Variants in PSMC2 observed in about 807,000 individuals in gnomAD.
The protein encoded by PSMC2 is 26S proteasome regulatory subunit 7.
A neutral mutation model predicts 53.3 loss-of-function variants in PSMC2; 7 were observed. That is an observed-to-expected ratio of 0.13 (90% CI 0.07 to 0.25). PSMC2 has a LOEUF of 0.25. PSMC2 is among the 10% of genes least tolerant of loss of function. The pLI, the probability that PSMC2 is intolerant of heterozygous loss-of-function variation, is 1.00. For synonymous variants in PSMC2, 169 were observed against 183.9 expected (o/e 0.92, Z 0.66); for missense variants, 241 against 544.0 (o/e 0.44, Z 5.54).
intron 1 of PSMC2, 91 bp downstream of exon 1, chr7:103,347,872 C>A: frequency 7.1e-7 from 1 of 1,414,986 alleles, no homozygotes; most frequent in Non-Finnish European, 1.0e-6. Context: ...CCGCTCCTGG[C>A]TCTGTGCTCT....
At position 103,347,726 on chromosome 7, in the gene PSMC2, C is replaced by A. The variant is rs140451125; in HGVS notation, c.15C>A (p.Leu5=). The A allele has an allele frequency of 6.2e-7, 1 of 1,613,922 alleles. No individual in the cohort carries two copies. The highest frequency in any genetic ancestry group is 8.5e-7 in the Non-Finnish European group (1 of 1,179,858). ...GAGCTGCTAAAATGCCGGATTACCT[C>A]GGTGCCGATCAGCGGAAGACCAAAG... is the stretch of plus-strand genomic sequence containing the variant. MPDY[L]GADQRKTKED... is the part of the protein sequence containing the mutation. Residue 5 remains leucine, a synonymous_variant, in exon 1 of 12, where the codon CTC becomes CTA. Transcript: ENST00000292644.
intron 2 of PSMC2, among the ~76,000 whole-genome samples, 182 bp from the exon 3 acceptor site, chr7:103,354,686 A>G (rs2116151594): frequency 6.6e-6 from 1 of 152,198 alleles, no homozygotes; most frequent in African/African-American, 2.4e-5. Context: ...TTCATTTGTT[A>G]TCTTGCATAA....
Position 103,364,148 on chromosome 7 carries a change from G to A in PSMC2, c.597G>A (p.Glu199=). 6.2e-7 allele frequency: 1 copy of A among 1,613,740 alleles called. No individual in the cohort carries two copies. The highest frequency in any genetic ancestry group is 8.5e-7 in the Non-Finnish European group (1 of 1,179,894). ...AAATTGTGTCTCTATCACAGCCAGA[G>A]AGGTTTGTGAACCTTGGCATTGAGC... The part of the protein sequence containing the change: ...EVVETPLLHP[E]RFVNLGIEPP... Residue 199 remains glutamate, a synonymous_variant, in exon 8 of 12, where the codon GAG becomes GAA. Coordinates refer to ENST00000292644, the MANE Select transcript of PSMC2 (RefSeq NM_002803.4).
chr7:103,358,149 G>A (rs1820150966), intron 4 of PSMC2, among the ~76,000 whole-genome samples: 1 of 152,152 alleles, frequency 6.6e-6, no homozygotes, highest in Admixed American at 6.5e-5. Flanking sequence ...TGAGTATACA[G>A]TTCTTTTCCC....
At position 103,353,878 on chromosome 7, in the gene PSMC2, C is replaced by G. The variant is rs1586139231; in HGVS notation, c.71-43C>G. On this transcript the variant is annotated intron_variant, in intron 1 of 11. Coordinates refer to ENST00000292644, the MANE Select transcript of PSMC2 (RefSeq NM_002803.4). Reference sequence around the variant, plus strand: ...AGTTTCTTTTTTAAAAATTTTAATTCTAGTTTCTTTTTGAATCTCACGTAT... The same window carrying G: ...AGTTTCTTTTTTAAAAATTTTAATTGTAGTTTCTTTTTGAATCTCACGTAT... The G allele has an allele frequency of 4.5e-6, 7 of 1,539,890 alleles. No homozygotes were observed. In the East Asian group the frequency reaches 1.6e-4, roughly 35 times the overall value.
At chr7:103,359,138 CTTT>C (rs35936603) in intron 4 of PSMC2, among the ~76,000 whole-genome samples, 4 of 31,330 alleles carry the variant, frequency 1.3e-4, no homozygotes, top group African/African-American at 3.2e-4. Flanking sequence ...CCATGTCTGG[CTTT>C]TTTTTTTTTT....
intron 4 of PSMC2, among the ~76,000 whole-genome samples, chr7:103,360,150 A>G (rs1487184621): frequency 1.3e-5 from 2 of 151,686 alleles, no homozygotes; most frequent in East Asian, 3.9e-4. Flanking sequence ...CTATTGACTG[A>G]TTTTTTTCCC....
rs1819994176 is a variant in PSMC2, at chr7:103,355,690, G to T, written c.191-4G>T. 2.5e-6 allele frequency: 4 copies of T among 1,608,128 alleles called. No individual in the cohort carries two copies. The East Asian group carries it at 8.9e-5, about 36-fold the overall frequency. On this transcript the variant is annotated splice_region_variant and splice_polypyrimidine_tract_variant and intron_variant, in intron 3 of 11. Coordinates refer to ENST00000292644, the MANE Select transcript of PSMC2 (RefSeq NM_002803.4). The stretch of plus-strand genomic sequence containing the variant: ...AGTAAATTTTGTCATCTTTCTCTAT[G>T]TAGGTATTAAAGAATCTGACACTGG...
intron 9 of PSMC2, among the ~76,000 whole-genome samples, chr7:103,366,513 A>G (rs1352957079): frequency 6.6e-6 from 1 of 152,242 alleles, no homozygotes; most frequent in Non-Finnish European, 1.5e-5. Context: ...CCTGAAATCT[A>G]AAGTGCTCCA....
chr7:103,350,923 T>A (rs979414351), intron 1 of PSMC2, among the ~76,000 whole-genome samples: 2 of 152,224 alleles, frequency 1.3e-5, no homozygotes, highest in Non-Finnish European at 1.5e-5. Context: ...GTTTTTGACA[T>A]TGTTGAGCCT....
chr7:103,357,821 C>T (rs1820127242), intron 4 of PSMC2, among the ~76,000 whole-genome samples: 1 of 152,186 alleles, frequency 6.6e-6, no homozygotes. Context: ...CAACCTCCCA[C>T]TTTCTCTTGA....
rs768795269 is a variant in PSMC2, at chr7:103,363,426, C to T, written c.578C>T (p.Thr193Ile). ...QIEKLREVVE[T>I]PLLHPERFVN... ...GAGAAACTGCGAGAAGTAGTTGAAA[C>T]CCCATTACTTCATGTAAGTAGCTGA... Residue 193 changes from threonine to isoleucine, a missense_variant, in exon 7 of 12, where the codon ACC (threonine) becomes ATC (isoleucine). Transcript: ENST00000292644. 6.2e-7 allele frequency: 1 copy of T among 1,610,350 alleles called. No homozygotes were observed. The highest frequency in any genetic ancestry group is 1.7e-5 in the Admixed American group (1 of 60,010).
At position 103,355,688 on chromosome 7, in the gene PSMC2, A is replaced by G. The variant is rs1381566426; in HGVS notation, c.191-6A>G. 7 of 1,607,642 alleles carry G rather than the reference A, an allele frequency of 4.4e-6. No homozygotes were observed. The highest frequency in any genetic ancestry group is 1.3e-5 in the African/African-American group (1 of 74,888). ...TTAGTAAATTTTGTCATCTTTCTCT[A>G]TGTAGGTATTAAAGAATCTGACACT... On this transcript the variant is annotated splice_region_variant and splice_polypyrimidine_tract_variant and intron_variant, in intron 3 of 11. Transcript: ENST00000292644.
At chr7:103,353,769 TTTGA>T (rs1819864697) in intron 1 of PSMC2, 148 bp from the exon 2 acceptor site, 1 of 682,876 alleles carries the variant, frequency 1.5e-6, no homozygotes. Flanking sequence ...CCAGGAACTA[TTTGA>T]TTGAATATGT....
At chr7:103,363,625 G>C (rs922000658) in intron 7 of PSMC2, among the ~76,000 whole-genome samples, 186 bp downstream of exon 7, 2 of 152,118 alleles carry the variant, frequency 1.3e-5, no homozygotes, top group Admixed American at 1.3e-4. Context: ...AAAGGATTGA[G>C]TGGTCAGGTA....
chr7:103,351,766 T>C (rs1447491593), intron 1 of PSMC2, among the ~76,000 whole-genome samples: 3 of 152,150 alleles, frequency 2.0e-5, no homozygotes, highest in African/African-American at 7.2e-5. Flanking sequence ...CTCCCTCTGC[T>C]AACCACTTTC....
intron 1 of PSMC2, chr7:103,352,735 T>C (rs1265373800): frequency 2.7e-6 from 2 of 729,004 alleles, no homozygotes; most frequent in African/African-American, 3.5e-5. Flanking sequence ...TCCTGGTAGA[T>C]TCATTTTTTC....
intron 4 of PSMC2, among the ~76,000 whole-genome samples, chr7:103,359,664 A>G (rs1820263174): frequency 6.6e-6 from 1 of 152,214 alleles, no homozygotes. Context: ...TGGCCAAATA[A>G]TATTCCAGTC....
At position 103,369,387 on chromosome 7, in the gene PSMC2, T is replaced by A. The variant is rs1820895569; in HGVS notation, c.*1333T>A. The A allele has an allele frequency of 6.6e-6, 1 of 152,234 alleles. No individual in the cohort carries two copies. Among genetic ancestry groups the A allele is most frequent in the Non-Finnish European group, 1.5e-5 (1 of 68,044 alleles). The allele number at this position is 152,234 out of a possible 1,614,324, so 9.4% of individuals were successfully genotyped here. A position where few individuals can be genotyped will look rare whatever the true frequency, so the allele number is the denominator to read the frequency against. On this transcript the variant is annotated 3_prime_UTR_variant, in exon 12 of 12. Coordinates refer to ENST00000292644, the MANE Select transcript of PSMC2 (RefSeq NM_002803.4). ...TTTTGATTAAATAAATGTACACATT[T>A]AGAACACACTCTGAAGTCTTTCCAC...
Sources: allele counts gnomAD v4.1 joint callset (sites outside exome capture counted in the v4.1 genomes callset), GRCh38; gene constraint gnomAD v4.1.1; transcripts MANE v1.5; gene names NCBI Gene and HGNC (gene_info 2026-07-23, HGNC 2026-07-21).